RNF128: variants seen among roughly 807,000 people sequenced by gnomAD.
RNF128 encodes E3 ubiquitin-protein ligase RNF128.
A neutral mutation model predicts 26.2 loss-of-function variants in RNF128; 13 were observed. The ratio of observed to expected loss-of-function variants is 0.50; its 90% CI spans 0.32 to 0.79. RNF128 has a LOEUF of 0.79. RNF128 is among the 30% of genes least tolerant of loss of function. RNF128 has a pLI of 0.03. For synonymous variants in RNF128, 149 were observed against 142.5 expected, an observed-to-expected ratio of 1.05 and a Z score of -0.32; for missense variants, 315 against 349.7, an observed-to-expected ratio of 0.90 and a Z score of 0.79.
intron 1 of RNF128, among the ~76,000 whole-genome samples, chrX:106,699,262 T>C (rs1033811961): frequency 8.9e-6 from 1 of 112,280 alleles, no homozygotes; most frequent in African/African-American, 3.2e-5. Context: ...GCCTACAAGG[T>C]TTGATGCTAA....
chrX:106,718,285 A>G (rs1489791285), intron 1 of RNF128, among the ~76,000 whole-genome samples: 1 of 111,372 alleles, frequency 9.0e-6, no homozygotes, highest in Non-Finnish European at 1.9e-5. Context: ...TCAAACAAAC[A>G]AGAGCTTCAG....
chrX:106,788,269 ATATG>A (rs1180529745), intron 4 of RNF128, among the ~76,000 whole-genome samples: 1 of 71,535 alleles, frequency 1.4e-5, no homozygotes, highest in East Asian at 4.1e-4. Context: ...CAATTGATAT[ATATG>A]TATTATATAT....
intron 1 of RNF128, among the ~76,000 whole-genome samples, chrX:106,699,532 A>G (rs1175695312): frequency 9.0e-6 from 1 of 111,383 alleles, no homozygotes; most frequent in Non-Finnish European, 1.9e-5. Flanking sequence ...TAGCCTCCAA[A>G]CTGGGCTCCC....
intron 4 of RNF128, among the ~76,000 whole-genome samples, chrX:106,789,289 A>G (rs1930766039): frequency 1.0e-5 from 1 of 96,739 alleles, no homozygotes; most frequent in Admixed American, 1.2e-4. Context: ...TTTTTTCTTG[A>G]TAGATTAGAA....
At chrX:106,779,477 T>C (rs774902905) in intron 2 of RNF128, among the ~76,000 whole-genome samples, 1 of 108,760 alleles carries the variant, frequency 9.2e-6, no homozygotes, top group South Asian at 4.1e-4. Context: ...ATCTAAAAAA[T>C]TTGAACTCAT....
chrX:106,757,998 T>G (rs911460756), intron 1 of RNF128, among the ~76,000 whole-genome samples: 250 of 112,151 alleles, frequency 2.2e-3, no homozygotes, highest in Non-Finnish European at 4.2e-3. Context: ...AGTCAAATTA[T>G]CCTTGTTTGC....
At chrX:106,784,827 CA>C (rs1381144318) in intron 2 of RNF128, among the ~76,000 whole-genome samples, 1 of 111,537 alleles carries the variant, frequency 9.0e-6, no homozygotes, top group Non-Finnish European at 1.9e-5. Flanking sequence ...ATGGTCCCAA[CA>C]GTATTGTTTA....
At chrX:106,720,899 G>C (rs1052908867) in intron 1 of RNF128, among the ~76,000 whole-genome samples, 1 of 111,557 alleles carries the variant, frequency 9.0e-6, no homozygotes, top group Non-Finnish European at 1.9e-5. Context: ...AGTTATTAAA[G>C]TTATGGATAT....
intron 1 of RNF128, among the ~76,000 whole-genome samples, chrX:106,737,378 C>T (rs1245167862): frequency 9.1e-6 from 1 of 110,415 alleles, no homozygotes. Flanking sequence ...CATGACCTCC[C>T]GCATATACTA....
chrX:106,736,524 G>C (rs765014661), intron 1 of RNF128, among the ~76,000 whole-genome samples: 2 of 110,795 alleles, frequency 1.8e-5, no homozygotes, highest in East Asian at 5.6e-4. Flanking sequence ...CACTTCTTTT[G>C]ATGTAGTAGT....
intron 1 of RNF128, among the ~76,000 whole-genome samples, chrX:106,734,568 A>T (rs1285065805): frequency 8.9e-6 from 1 of 111,990 alleles, no homozygotes; most frequent in African/African-American, 3.2e-5. Flanking sequence ...ATAAGGCACC[A>T]TAGGTATTTC....
At position 106,791,051 on chromosome X, in the gene RNF128, A is replaced by T. The variant is rs751021304; in HGVS notation, c.985-15A>T. 2 of 1,198,959 alleles carry T rather than the reference A, an allele frequency of 1.7e-6. No individual in the cohort carries two copies. The highest frequency in any genetic ancestry group is 4.4e-5 in the Admixed American group (2 of 45,379). On this transcript the variant is annotated splice_polypyrimidine_tract_variant and intron_variant, in intron 5 of 6. Coordinates refer to ENST00000255499, the MANE Select transcript of RNF128 (RefSeq NM_194463.2). The stretch of plus-strand genomic sequence containing the variant: ...TACACTGAGAGGCTTTTAATTTGTT[A>T]CATGTTCTTTAAAGGTGGATGTTGA...
chrX:106,765,793 T>C (rs774015393), intron 1 of RNF128, among the ~76,000 whole-genome samples: 12 of 111,426 alleles, frequency 1.1e-4, no homozygotes, highest in Non-Finnish European at 2.3e-4. Flanking sequence ...TGTTTACATG[T>C]GCCATGTTGG....
intron 1 of RNF128, among the ~76,000 whole-genome samples, chrX:106,741,709 T>C (rs1187509702): frequency 8.9e-6 from 1 of 111,919 alleles, no homozygotes; most frequent in East Asian, 2.8e-4. Context: ...AAATCAAAAT[T>C]CAAATTATCA....
intron 1 of RNF128, among the ~76,000 whole-genome samples, chrX:106,749,699 A>C (rs1429273021): frequency 9.0e-6 from 1 of 111,413 alleles, no homozygotes; most frequent in Non-Finnish European, 1.9e-5. Flanking sequence ...TGAAGCCAGA[A>C]GTTTGAAGCC....
intron 2 of RNF128, among the ~76,000 whole-genome samples, chrX:106,777,062 T>C (rs1347955924): frequency 8.9e-6 from 1 of 111,885 alleles, no homozygotes; most frequent in Non-Finnish European, 1.9e-5. Flanking sequence ...TTTCCGGATT[T>C]TTTTTGTAAC....
chrX:106,790,222 G>A lies in RNF128; in HGVS notation c.924G>A (p.Leu308=). The A allele has an allele frequency of 8.3e-7, 1 of 1,203,886 alleles. No homozygotes were observed. Among genetic ancestry groups the A allele is most frequent in the Non-Finnish European group, 1.1e-6 (1 of 890,085 alleles). Residue 308 remains leucine (L), a synonymous_variant, in exon 5 of 7, where the codon CTG becomes CTA. Transcript: ENST00000255499. ...ATAAGACATGTGTTGACCCATGGCT[G>A]TTAGAACACAGGACTTGCCCCATGT... ...IFHKTCVDPW[L]LEHRTCPMCK... is the part of the protein sequence containing the mutation.
intron 2 of RNF128, among the ~76,000 whole-genome samples, chrX:106,776,826 A>G (rs1057357811): frequency 2.7e-5 from 3 of 111,628 alleles, no homozygotes; most frequent in African/African-American, 9.7e-5. Context: ...AATGATACCC[A>G]TGTACTCCCA....
chrX:106,715,124 C>T (rs1302075932), intron 1 of RNF128, among the ~76,000 whole-genome samples: 2 of 111,517 alleles, frequency 1.8e-5, no homozygotes, highest in African/African-American at 6.5e-5. Context: ...AGACTGTTTT[C>T]CAGATTGGCT....
Sources: gnomAD v4.1 joint callset for allele counts (sites outside exome capture counted in the v4.1 genomes callset) on GRCh38, gnomAD v4.1.1 for gene constraint, MANE v1.5 for transcripts, NCBI Gene and HGNC (gene_info 2026-07-23, HGNC 2026-07-21) for gene names.